DISC1: variants seen among roughly 807,000 people sequenced by gnomAD.
The protein encoded by DISC1 is disrupted in schizophrenia 1 protein.
DISC1 carries 57 observed loss-of-function variants against 84.5 expected under a neutral mutation model. The observed-to-expected ratio is 0.67, with a 90% CI of 0.55 to 0.84. The LOEUF is 0.84. Ranked by LOEUF, DISC1 falls within the 40% of genes least tolerant of loss-of-function variation. The pLI is 0.00. For synonymous variants in DISC1, 411 were observed against 415.2 expected (o/e 0.99, Z 0.12); for missense variants, 1,000 against 1,057.8 (o/e 0.95, Z 0.76).
At chr1:231,783,428 T>G (rs947435548) in intron 6 of DISC1, among the ~76,000 whole-genome samples, 1 of 152,222 alleles carries the variant, frequency 6.6e-6, no homozygotes, top group African/African-American at 2.4e-5. Flanking sequence ...CCTGTTCTCA[T>G]TTTTTCATTA....
At chr1:231,860,628 AT>A (rs1475430407) in intron 9 of DISC1, among the ~76,000 whole-genome samples, 1 of 152,130 alleles carries the variant, frequency 6.6e-6, no homozygotes, top group South Asian at 2.1e-4. Context: ...AAGGGCCAAC[AT>A]TTTTTCCCTC....
At chr1:231,926,337 AGT>A (rs1240740969) in intron 9 of DISC1, among the ~76,000 whole-genome samples, 1 of 152,192 alleles carries the variant, frequency 6.6e-6, no homozygotes, top group African/African-American at 2.4e-5. Context: ...AAAAAAAACT[AGT>A]GTGTTATCCA....
chr1:231,960,441 T>C (rs2102764152), intron 10 of DISC1, among the ~76,000 whole-genome samples: 1 of 152,192 alleles, frequency 6.6e-6, no homozygotes, highest in East Asian at 1.9e-4. Flanking sequence ...TTAGTGGAGA[T>C]GGAGTTTCAC....
chr1:231,999,633 C>T lies in DISC1; in HGVS notation c.2043-9152C>T, dbSNP rs1191089492. Among the ~76,000 whole-genome samples the T allele has an allele frequency of 2.0e-5, 3 of 152,170 alleles. No individual in the cohort carries two copies. In the East Asian group the frequency reaches 5.8e-4, roughly 29 times the overall value. Reference sequence around the variant, plus strand: ...CCCACCAGGGGCAAGGGGAATTCTGCCACAGTAGGTACCCAGCCAGGGAAG... The same window carrying T: ...CCCACCAGGGGCAAGGGGAATTCTGTCACAGTAGGTACCCAGCCAGGGAAG... On this transcript the variant is annotated intron_variant, in intron 10 of 12. Transcript: ENST00000439617.
chr1:231,650,873 A>G (rs2060560782), intron 1 of DISC1, among the ~76,000 whole-genome samples: 1 of 152,088 alleles, frequency 6.6e-6, no homozygotes, highest in African/African-American at 2.4e-5. Flanking sequence ...AAGCTTGTGC[A>G]TGCGTCATGT....
At chr1:231,696,649 T>G (rs2065748259) in intron 2 of DISC1, among the ~76,000 whole-genome samples, 1 of 152,258 alleles carries the variant, frequency 6.6e-6, no homozygotes, top group Admixed American at 6.5e-5. Context: ...CCTGTGAGAT[T>G]ATCGTACTGT....
In DISC1 at chr1:231,866,671, A is replaced by G. The variant is rs111911281; in HGVS notation, c.1981+48154A>G. 4.4e-5 allele frequency: 66 copies of G among 1,488,470 alleles called. No homozygotes were observed. In the East Asian group the frequency reaches 1.1e-3, roughly 25 times the overall value. 92.2% of individuals were successfully genotyped at this position (1,488,470 alleles called of 1,614,324 possible). A position where few individuals can be genotyped will look rare whatever the true frequency, so the allele number is the denominator to read the frequency against. ...ACTACTATTAATTGAAAGGGCATTG[A>G]AGAGACATGATGTCACAATAAAAAG... On this transcript the variant is annotated intron_variant, in intron 9 of 12. Transcript: ENST00000439617.
chr1:231,833,182 A>G (rs1357155557), intron 9 of DISC1, among the ~76,000 whole-genome samples: 1 of 150,632 alleles, frequency 6.6e-6, no homozygotes, highest in Non-Finnish European at 1.5e-5. Context: ...TCTCAGCCTA[A>G]TAAGGGAACT....
intron 10 of DISC1, among the ~76,000 whole-genome samples, chr1:231,988,800 C>T (rs1456540320): frequency 6.6e-6 from 1 of 152,224 alleles, no homozygotes; most frequent in Non-Finnish European, 1.5e-5. Context: ...AATGTACCTA[C>T]ACACACAATT....
At chr1:231,798,356 A>G (rs1453311585) in intron 7 of DISC1, among the ~76,000 whole-genome samples, 1 of 152,184 alleles carries the variant, frequency 6.6e-6, no homozygotes, top group Non-Finnish European at 1.5e-5. Context: ...GAACATTGCA[A>G]TTTAATAAGA....
chr1:231,715,806 G>A (rs1046189585), intron 3 of DISC1, among the ~76,000 whole-genome samples: 1 of 152,166 alleles, frequency 6.6e-6, no homozygotes, highest in African/African-American at 2.4e-5. Flanking sequence ...TTAAATTTTA[G>A]TATATTGTTA....
chr1:231,738,691 A>G (rs1368915302), intron 3 of DISC1, among the ~76,000 whole-genome samples: 1 of 152,202 alleles, frequency 6.6e-6, no homozygotes, highest in African/African-American at 2.4e-5. Flanking sequence ...TGTTGTGGGC[A>G]TGATAGTCTA....
At chr1:231,634,576 T>C (rs141752229) in intron 1 of DISC1, among the ~76,000 whole-genome samples, 5 of 152,220 alleles carry the variant, frequency 3.3e-5, no homozygotes, top group Non-Finnish European at 7.3e-5. Context: ...AACAGTAGAT[T>C]TGGGGGCCTT....
At position 232,038,193 on chromosome 1, in the gene DISC1, C is replaced by T. The variant is rs1159288752; in HGVS notation, c.*1362C>T. ...ACTCAGTAACACAGGGCAGCTAGTA[C>T]TCAGTACTATAAGTACTGAGTACTT... On this transcript the variant is annotated 3_prime_UTR_variant, in exon 13 of 13. Transcript: ENST00000439617. The T allele has an allele frequency of 1.3e-5, 2 of 152,012 alleles. No individual in the cohort carries two copies. Among genetic ancestry groups the T allele is most frequent in the African/African-American group, 2.4e-5 (1 of 41,404 alleles). 9.4% of individuals were successfully genotyped at this position (152,012 alleles called of 1,614,324 possible). A position where few individuals can be genotyped will look rare whatever the true frequency, so the allele number is the denominator to read the frequency against.
intron 10 of DISC1, among the ~76,000 whole-genome samples, chr1:231,972,442 C>T (rs558213196): frequency 4.7e-4 from 72 of 152,262 alleles, no homozygotes; most frequent in African/African-American, 1.6e-3. Flanking sequence ...TGTATGATTT[C>T]GGAATGAATA....
intron 10 of DISC1, among the ~76,000 whole-genome samples, chr1:231,993,649 G>T (rs991209861): frequency 4.6e-5 from 7 of 152,102 alleles, no homozygotes; most frequent in Non-Finnish European, 1.0e-4. Flanking sequence ...TGCTCTGGGC[G>T]CTTGGACTAG....
At chr1:231,702,449 C>T (rs1455397121) in intron 3 of DISC1, 2 of 987,762 alleles carry the variant, frequency 2.0e-6, no homozygotes, top group African/African-American at 1.7e-5. Flanking sequence ...CTTAAGCCTT[C>T]ATGGGGCTCT....
At chr1:231,990,662 T>C (rs926283609) in intron 10 of DISC1, among the ~76,000 whole-genome samples, 19 of 152,290 alleles carry the variant, frequency 1.2e-4, no homozygotes, top group Admixed American at 1.2e-3. Flanking sequence ...ACGTGTGGGC[T>C]TTCTTTGCCA....
chr1:231,984,066 C>G (rs376253648), intron 10 of DISC1, among the ~76,000 whole-genome samples: 17 of 152,330 alleles, frequency 1.1e-4, no homozygotes, highest in African/African-American at 3.6e-4. Flanking sequence ...AGCAGTCAGT[C>G]TAACTCCAAA....
Sources: gnomAD v4.1 joint callset for allele counts (sites outside exome capture counted in the v4.1 genomes callset) on GRCh38, gnomAD v4.1.1 for gene constraint, MANE v1.5 for transcripts, NCBI Gene and HGNC (gene_info 2026-07-23, HGNC 2026-07-21) for gene names.